CSMD1: variants seen among roughly 807,000 people sequenced by gnomAD.
CSMD1 encodes the protein CUB and sushi domain-containing protein 1.
Under a neutral mutation model 417.5 loss-of-function variants are expected in CSMD1, and 213 were observed. The observed-to-expected ratio is 0.51, with a 90% confidence interval of 0.46 to 0.57. The LOEUF is 0.57. CSMD1 is among the 20% of genes least tolerant of loss of function. CSMD1 has a pLI of 0.00. For synonymous variants in CSMD1, 2,862 were observed against 1,736.8 expected (o/e 1.65, Z -16.11); for missense variants, 6,923 against 4,529.7 (o/e 1.53, Z -15.17).
intron 50 of CSMD1, among the ~76,000 whole-genome samples, chr8:3,036,737 A>G (rs1195506061): frequency 2.0e-5 from 3 of 152,200 alleles, no homozygotes; most frequent in African/African-American, 7.2e-5. Context: ...TGTGTTTCAT[A>G]CCATCGAATT....
chr8:4,531,951 AG>A, intron 2 of CSMD1, among the ~76,000 whole-genome samples: 1 of 88,538 alleles, frequency 1.1e-5, no homozygotes, highest in East Asian at 4.4e-4. Flanking sequence ...ACTCCAGAAA[AG>A]AAATCCTGCA....
intron 18 of CSMD1, among the ~76,000 whole-genome samples, chr8:3,384,471 T>C (rs1810843669): frequency 6.6e-6 from 1 of 151,538 alleles, no homozygotes; most frequent in South Asian, 2.1e-4. Context: ...TATATTTGTG[T>C]ATTTCCATAC....
At chr8:4,369,112 T>C (rs185032239) in intron 3 of CSMD1, among the ~76,000 whole-genome samples, 117 of 152,254 alleles carry the variant, frequency 7.7e-4, no homozygotes, top group Middle Eastern at 6.8e-3. Flanking sequence ...TTAACACTGA[T>C]TTAGCTGTTT....
At chr8:4,886,698 C>A (rs1199473005) in intron 1 of CSMD1, among the ~76,000 whole-genome samples, 1 of 151,878 alleles carries the variant, frequency 6.6e-6, no homozygotes, top group Non-Finnish European at 1.5e-5. Context: ...TTCAGATTTT[C>A]TATTTCTTCT....
At chr8:4,784,167 C>T (rs1432004728) in intron 1 of CSMD1, among the ~76,000 whole-genome samples, 1 of 152,142 alleles carries the variant, frequency 6.6e-6, no homozygotes, top group Non-Finnish European at 1.5e-5. Flanking sequence ...TTTATGTACT[C>T]AAGTAAAAGT....
rs187732905 is a variant in CSMD1, at chr8:3,968,837, G to T, written c.818+29066C>A. 5.9e-3 allele frequency among the ~76,000 whole-genome samples: 895 copies of T among 152,270 alleles called. 4 individuals are homozygous for T. The highest frequency in any genetic ancestry group is 0.017 in the Middle Eastern group (5 of 294). ...ACTGATCCAGTATAGGACAAGATTT[G>T]GCTGCTGGTTATATTCGATCACACA... On this transcript the variant is annotated intron_variant, in intron 5 of 69. Transcript: ENST00000635120.
intron 12 of CSMD1, among the ~76,000 whole-genome samples, chr8:3,446,217 A>C (rs77834259): frequency 0.029 from 4,379 of 152,318 alleles, 105 homozygotes; most frequent in East Asian, 0.091. Flanking sequence ...GCACTTTCTG[A>C]AGCACTCCTA....
intron 17 of CSMD1, among the ~76,000 whole-genome samples, chr8:3,391,834 C>G (rs1983074): frequency 1.3e-5 from 2 of 152,116 alleles, no homozygotes; most frequent in South Asian, 2.1e-4. Flanking sequence ...CATGAAGAAG[C>G]GTCATTAATA....
At chr8:4,411,057 C>G (rs1247912366) in intron 3 of CSMD1, among the ~76,000 whole-genome samples, 3 of 152,096 alleles carry the variant, frequency 2.0e-5, no homozygotes, top group Admixed American at 1.3e-4. Flanking sequence ...TGTGATACCA[C>G]TCCACCCGTT....
intron 26 of CSMD1, among the ~76,000 whole-genome samples, chr8:3,265,167 C>G (rs973834802): frequency 3.3e-5 from 5 of 152,112 alleles, no homozygotes; most frequent in African/African-American, 9.7e-5. Flanking sequence ...AATTTACACT[C>G]TCACTAGAAC....
intron 3 of CSMD1, among the ~76,000 whole-genome samples, chr8:4,251,650 T>G (rs931863313): frequency 3.9e-5 from 6 of 152,148 alleles, no homozygotes; most frequent in African/African-American, 9.7e-5. Context: ...TCATGACACT[T>G]TTCTCATTTA....
At chr8:4,048,723 A>G (rs1798273897) in intron 3 of CSMD1, among the ~76,000 whole-genome samples, 1 of 152,230 alleles carries the variant, frequency 6.6e-6, no homozygotes, top group South Asian at 2.1e-4. Context: ...TTATTAATAC[A>G]TACATGTATA....
At chr8:3,886,333 G>A (rs1012294199) in intron 5 of CSMD1, among the ~76,000 whole-genome samples, 1 of 152,230 alleles carries the variant, frequency 6.6e-6, no homozygotes, top group African/African-American at 2.4e-5. Context: ...ACAGGCGTGG[G>A]CCACTGTGCC....
At chr8:3,190,150 C>A (rs1429261326) in intron 33 of CSMD1, 35 bp from the exon 34 acceptor site, 1 of 1,521,268 alleles carries the variant, frequency 6.6e-7, no homozygotes, top group East Asian at 2.4e-5. Context: ...CCGTCTGTAT[C>A]TCCATCAGCA....
chr8:3,087,583 GGAA>G (rs561431164), intron 48 of CSMD1, among the ~76,000 whole-genome samples: 79 of 152,290 alleles, frequency 5.2e-4, no homozygotes, highest in African/African-American at 1.9e-3. Context: ...GGGACACACT[GGAA>G]GAAGAATTGT....
At chr8:4,486,301 A>G (rs1801415837) in intron 2 of CSMD1, among the ~76,000 whole-genome samples, 1 of 148,168 alleles carries the variant, frequency 6.7e-6, no homozygotes, top group Non-Finnish European at 1.5e-5. Context: ...ATAGGCACAT[A>G]GAGCTTTTAT....
intron 49 of CSMD1, 41 bp from the exon 50 acceptor site, chr8:3,052,688 A>T (rs776551195): frequency 2.1e-6 from 3 of 1,412,238 alleles, no homozygotes; most frequent in East Asian, 5.2e-5. Context: ...TTCTTACAGA[A>T]ATTATTTTCC....
In CSMD1 at chr8:3,556,392, A is replaced by AATATATATATAT. The variant is rs367650533; in HGVS notation, c.1344+18541_1344+18552dup. On this transcript the variant is annotated intron_variant, in intron 10 of 69. Transcript: ENST00000635120. The stretch of plus-strand genomic sequence containing the variant: ...AAGATTTTTAAAATTTATAATAATT[A>AATATATATATAT]ATATATATATATATATATATATTCA... Among the ~76,000 whole-genome samples, 280 of 120,434 alleles carry AATATATATATAT rather than the reference A, an allele frequency of 2.3e-3. 5 individuals carry two copies. The highest frequency in any genetic ancestry group is 5.6e-3 in the African/African-American group (171 of 30,422). 79.0% of individuals were successfully genotyped at this position (120,434 alleles called of 152,430 possible).
intron 3 of CSMD1, among the ~76,000 whole-genome samples, chr8:4,329,232 G>A (rs571602851): frequency 1.3e-5 from 2 of 152,134 alleles, no homozygotes; most frequent in East Asian, 3.9e-4. Context: ...CCTTATCAGT[G>A]TTGACATATG....
Sources: allele counts gnomAD v4.1 joint callset (sites outside exome capture counted in the v4.1 genomes callset), GRCh38; gene constraint gnomAD v4.1.1; transcripts MANE v1.5; gene names NCBI Gene and HGNC (gene_info 2026-07-23, HGNC 2026-07-21).